The following SLC15A3 variants were observed in gnomAD, a reference collection of about 807,000 sequenced individuals.
The protein encoded by SLC15A3 is osteoclast transporter.
Under a neutral mutation model 49.2 loss-of-function variants are expected in SLC15A3, and 39 were observed. That is an observed-to-expected ratio of 0.79 (90% CI 0.61 to 1.04). The LOEUF (loss-of-function observed/expected upper bound fraction) is 1.04, where lower values mean the gene tolerates loss of function less well. Ranked by LOEUF, SLC15A3 falls within the 50% of genes least tolerant of loss-of-function variation. The pLI is 0.00. For synonymous variants in SLC15A3, 339 were observed against 367.0 expected (o/e 0.92, Z 0.87); for missense variants, 758 against 794.8 (o/e 0.95, Z 0.56).
rs1224887369 is a variant in SLC15A3 at position 60,937,085 on chromosome 11, C to T, written c.*134G>A. 9.4e-6 allele frequency: 13 copies of T among 1,387,432 alleles called. No homozygotes were observed. Among genetic ancestry groups the T allele is most frequent in the South Asian group, 2.9e-5 (2 of 69,258 alleles). The allele number at this position is 1,387,432 out of a possible 1,614,324, so 85.9% of individuals were successfully genotyped here. The stretch of plus-strand genomic sequence containing the variant: ...CCTGCCCCTTGTCATGGACCATGGT[C>T]GTGAGGAAGGGCTCATGCCCCTTAT... On this transcript the variant is annotated 3_prime_UTR_variant, in exon 8 of 8. Transcript: ENST00000227880.
At position 60,941,180 on chromosome 11, in the gene SLC15A3, A is replaced by G. The variant is rs774533989; in HGVS notation, c.1218T>C (p.Ser406=). 3 of 1,614,168 alleles carry G rather than the reference A, an allele frequency of 1.9e-6. No individual in the cohort carries two copies. Among genetic ancestry groups the G allele is most frequent in the Non-Finnish European group, 2.5e-6 (3 of 1,180,004 alleles). ...TCCCCAGCGCCATCTTCTGCAGAGC[A>G]GAGGGAAGCAGCTTGCACCGCAGCA... ...PLLLRCKLLP[S]ALQKMALGMF... Residue 406 remains serine, a synonymous_variant, in exon 5 of 8, where the codon TCT becomes TCC. Coordinates refer to ENST00000227880, the MANE Select transcript of SLC15A3 (RefSeq NM_016582.3).
In SLC15A3 at chr11:60,937,416, T is replaced by G. The variant is rs377406054; in HGVS notation, c.1592-43A>C. 3 of 1,611,566 alleles carry G rather than the reference T, an allele frequency of 1.9e-6. No homozygotes were observed. In the East Asian group the frequency reaches 6.7e-5, roughly 36 times the overall value. The stretch of plus-strand genomic sequence containing the variant: ...TAGATTTGGGTCAGGACAGGGATCC[T>G]CTGTCTTGCGCCCTGTGCCTGCCGT... On this transcript the variant is annotated intron_variant, in intron 7 of 7. Coordinates refer to ENST00000227880, the MANE Select transcript of SLC15A3 (RefSeq NM_016582.3).
At chr11:60,939,685 G>C (rs369953211) in intron 5 of SLC15A3, 47 bp from the exon 6 acceptor site, 134 of 1,601,212 alleles carry the variant, frequency 8.4e-5, no homozygotes, top group Non-Finnish European at 1.1e-4. Context: ...ACCCCAGGCA[G>C]CTTAGCCCAC....
intron 1 of SLC15A3, among the ~76,000 whole-genome samples, chr11:60,947,236 G>A (rs920986646): frequency 6.6e-6 from 1 of 151,524 alleles, no homozygotes; most frequent in Non-Finnish European, 1.5e-5. Context: ...CTGGAGTGCA[G>A]TGGCACAATC....
In SLC15A3 at chr11:60,942,052, G is replaced by A. The variant is rs1208326530; in HGVS notation, c.1090C>T (p.Gln364Ter). ...TCTCTCACCGTGTAGCTGCTGCCCT[G>A]GGCTCTCAGGGCCACAGAGATGTTG... Reference protein sequence around the residue: ...PANISVALRAQGSSYTIPEAW... With the variant: ...PANISVALRA The change falls in exon 4 of 8, where the codon CAG (glutamine) becomes TAG (stop). Residue 364 changes from glutamine (Q) to a stop codon, truncating the protein, a stop_gained. Coordinates refer to ENST00000227880, the MANE Select transcript of SLC15A3 (RefSeq NM_016582.3). LOFTEE classifies it high-confidence loss of function. 6.2e-7 allele frequency: 1 copy of A among 1,614,076 alleles called. No homozygotes were observed. Among genetic ancestry groups the A allele is most frequent in the Non-Finnish European group, 8.5e-7 (1 of 1,179,942 alleles).
At chr11:60,938,176 C>G (rs993273438) in intron 6 of SLC15A3, 151 bp from the exon 7 acceptor site, 4 of 935,858 alleles carry the variant, frequency 4.3e-6, no homozygotes, top group Non-Finnish European at 1.6e-6. Context: ...ATGACAGCAC[C>G]CATGCATCAA....
Position 60,951,616 on chromosome 11 carries a change from C to T in SLC15A3, c.-65G>A. On this transcript the variant is annotated 5_prime_UTR_variant, in exon 1 of 8. Transcript: ENST00000227880. ...CTCCTCTCCCCGCCTCAGAGCCCTG[C>T]ACTCCTGCCCCCGGGCCTCGGCCCT... 1 of 1,078,358 alleles carries T rather than the reference C, an allele frequency of 9.3e-7. No individual in the cohort carries two copies. The highest frequency in any genetic ancestry group is 1.1e-6 in the Non-Finnish European group (1 of 888,412). The allele number at this position is 1,078,358 out of a possible 1,614,324, so 66.8% of individuals were successfully genotyped here. A position where few individuals can be genotyped will look rare whatever the true frequency, so the allele number is the denominator to read the frequency against.
At chr11:60,938,064 C>T (rs375269544) in intron 6 of SLC15A3, 39 bp from the exon 7 acceptor site, 3 of 1,603,968 alleles carry the variant, frequency 1.9e-6, no homozygotes, top group East Asian at 2.2e-5. Flanking sequence ...GGGGCTGGTG[C>T]AGGCGCAGAG....
At chr11:60,950,961 G>T in intron 1 of SLC15A3, 33 bp downstream of exon 1, 3 of 1,405,262 alleles carry the variant, frequency 2.1e-6, no homozygotes, top group South Asian at 1.6e-5. Context: ...CACACCCGCC[G>T]GAGTATGCCG....
intron 3 of SLC15A3, 120 bp downstream of exon 3, chr11:60,943,569 C>G: frequency 1.8e-6 from 2 of 1,136,058 alleles, no homozygotes; most frequent in Non-Finnish European, 1.2e-6. Flanking sequence ...GGCAGCACCT[C>G]ACTTTATTCC....
rs200260965 is a variant in SLC15A3, at chr11:60,944,609, C to G, written c.849-773G>C. On this transcript the variant is annotated intron_variant, in intron 2 of 7. Coordinates refer to ENST00000227880, the MANE Select transcript of SLC15A3 (RefSeq NM_016582.3). The stretch of plus-strand genomic sequence containing the variant: ...TCTGAAGGGATTTTTTGGCTCGTAG[C>G]ATCAATTTGCCACGGGAACCAGGGG... Among the ~76,000 whole-genome samples the G allele has an allele frequency of 1.1e-4, 16 of 152,210 alleles. No homozygotes were observed. The East Asian group carries it at 3.1e-3, about 29-fold the overall frequency.
chr11:60,941,516 A>T, intron 4 of SLC15A3: 1 of 491,470 alleles, frequency 2.0e-6, no homozygotes, highest in Non-Finnish European at 3.6e-6. Context: ...GTGGCTGATT[A>T]TGGAACATTT....
Position 60,946,619 on chromosome 11 carries a change from T to C in SLC15A3, c.761A>G (p.Lys254Arg), listed in dbSNP as rs368616172. The change falls in exon 2 of 8, where the codon AAG becomes AGG. Residue 254 changes from lysine (K) to arginine (R), a missense_variant. Physicochemically the swap from Lys to Arg is conservative, Grantham distance 26. This residue lies in a region of SLC15A3 where 699 missense variants were observed against 706.7 expected (regional missense o/e 0.99). Coordinates refer to ENST00000227880, the MANE Select transcript of SLC15A3 (RefSeq NM_016582.3). ...GGACACTTGGCTGCCCATCGGGGGC[T>C]TGGTGATGAAGACGGGGGTGGCAAA... Reference protein sequence around the residue: ...FLFATPVFITKPPMGSQVSSM... With the variant: ...FLFATPVFITRPPMGSQVSSM... The C allele has an allele frequency of 3.2e-5, 52 of 1,613,798 alleles. 1 individual carries two copies. In the African/African-American group the frequency reaches 6.5e-4, roughly 20 times the overall value.
At position 60,942,115 on chromosome 11, in the gene SLC15A3, G is replaced by A. The variant is rs1411915326; in HGVS notation, c.1027C>T (p.His343Tyr). 2 of 1,613,866 alleles carry A rather than the reference G, an allele frequency of 1.2e-6. No individual in the cohort carries two copies. The highest frequency in any genetic ancestry group is 1.3e-5 in the African/African-American group (1 of 74,926). Reference sequence around the variant, plus strand: ...GGGAAAATGTTTGGGATGTGGAGGTGAAGACCCTGCAGGACATAGGTGGAC... The same window carrying A: ...GGGAAAATGTTTGGGATGTGGAGGTAAAGACCCTGCAGGACATAGGTGGAC... ...MQSTYVLQGL[H>Y]LHIPNIFPAN... Residue 343 changes from histidine to tyrosine, a missense_variant, in exon 4 of 8, where the codon CAC (histidine) becomes TAC (tyrosine). Transcript: ENST00000227880.
rs116391907 is a variant in SLC15A3, at chr11:60,946,967, T to C, written c.559-146A>G. ...TTCCCAGTCTCTGATCACAAACAGA[T>C]GCTCAGTAAATATTTGCTGAGTGAA... On this transcript the variant is annotated intron_variant, in intron 1 of 7. Transcript: ENST00000227880. 742 of 854,918 alleles carry C rather than the reference T, an allele frequency of 8.7e-4. 6 individuals carry two copies. The African/African-American group carries it at 0.011, about 13-fold the overall frequency. The allele number at this position is 854,918 out of a possible 1,614,324, so 53.0% of individuals were successfully genotyped here. A position where few individuals can be genotyped will look rare whatever the true frequency, so the allele number is the denominator to read the frequency against.
intron 7 of SLC15A3, chr11:60,937,614 CT>C: frequency 1.4e-6 from 1 of 695,946 alleles, no homozygotes; most frequent in Non-Finnish European, 2.4e-6. Flanking sequence ...AAAGGTAACC[CT>C]TCAGCCAGAG....
At chr11:60,939,888 T>C in intron 5 of SLC15A3, 2 of 494,536 alleles carry the variant, frequency 4.0e-6, no homozygotes, top group Middle Eastern at 1.1e-3. Flanking sequence ...CTCTCATTAA[T>C]GGAGAACCTG....
intron 2 of SLC15A3, among the ~76,000 whole-genome samples, chr11:60,945,741 G>A (rs1443774337): frequency 6.6e-6 from 1 of 152,230 alleles, no homozygotes; most frequent in Admixed American, 6.5e-5. Context: ...TTGGATGTCA[G>A]CTAATGAGGA....
In SLC15A3 at chr11:60,951,038, C is replaced by A; in HGVS notation, c.514G>T (p.Ala172Ser). The change falls in exon 1 of 8, where the codon GCC becomes TCC. Residue 172 changes from alanine (A) to serine (S), a missense_variant. Transcript: ENST00000227880. Reference sequence around the variant, plus strand: ...GTGAGGTTGCTCCGGACGGAGCTGGCGGCCAGGCCGAGTAGCAGCAGGCCC... The same window carrying A: ...GTGAGGTTGCTCCGGACGGAGCTGGAGGCCAGGCCGAGTAGCAGCAGGCCC... ...YAGLLLLGLA[A>S]SSVRSNLTSF... 1.3e-6 allele frequency: 2 copies of A among 1,496,472 alleles called. No individual in the cohort carries two copies. Among genetic ancestry groups the A allele is most frequent in the South Asian group, 1.3e-5 (1 of 79,550 alleles). The allele number at this position is 1,496,472 out of a possible 1,614,324, so 92.7% of individuals were successfully genotyped here.
Sources: gnomAD v4.1 joint callset for allele counts (sites outside exome capture counted in the v4.1 genomes callset) on GRCh38, gnomAD v4.1.1 for gene constraint, gnomAD v4.1.1 regional missense constraint, MANE v1.5 for transcripts, NCBI Gene and HGNC (gene_info 2026-07-23, HGNC 2026-07-21) for gene names.